PFKFB4: variants seen among roughly 807,000 people sequenced by gnomAD.
PFKFB4 encodes the protein 6-phosphofructo-2-kinase/fructose-2,6-biphosphatase 4, also known as 6-phosphofructo-2-kinase/fructose-2,6-bisphosphatase 4.
Under a neutral mutation model 62.8 loss-of-function variants are expected in PFKFB4, and 42 were observed. The observed-to-expected ratio is 0.67, with a 90% CI of 0.52 to 0.86. PFKFB4 has a LOEUF of 0.86. Among genes scored for constraint, PFKFB4 ranks in the 40% least tolerant of loss-of-function variants. The probability of loss-of-function intolerance (pLI) is 0.00; values close to 1 mark genes in which losing one functional copy is unlikely to be tolerated. For missense variants in PFKFB4, 475 were observed against 627.2 expected, an observed-to-expected ratio of 0.76 and a Z score of 2.59; for synonymous variants, 204 against 240.7, an observed-to-expected ratio of 0.85 and a Z score of 1.41.
chr3:48,522,151 G>A (rs1463883170), intron 12 of PFKFB4, 101 bp from the exon 13 acceptor site: 17 of 1,038,026 alleles, frequency 1.6e-5, no homozygotes, highest in Non-Finnish European at 2.4e-5. Flanking sequence ...GTGTGGAATG[G>A]AGCAGCCATC....
At chr3:48,553,337 G>A (rs1056950188) in intron 1 of PFKFB4, among the ~76,000 whole-genome samples, 1 of 152,186 alleles carries the variant, frequency 6.6e-6, no homozygotes, top group Non-Finnish European at 1.5e-5. Context: ...AGCCGGGTGT[G>A]GTGGTGCACA....
intron 13 of PFKFB4, among the ~76,000 whole-genome samples, chr3:48,520,737 C>T (rs2042071901): frequency 6.6e-6 from 1 of 152,216 alleles, no homozygotes; most frequent in South Asian, 2.1e-4. Context: ...GGGTTAGTAG[C>T]GGTTTGCCTC....
In PFKFB4 at chr3:48,519,051, G is replaced by A. The variant is rs2042004616; in HGVS notation, c.*696C>T. 1 of 152,216 alleles carries A rather than the reference G, an allele frequency of 6.6e-6. No homozygotes were observed. Among genetic ancestry groups the A allele is most frequent in the African/African-American group, 2.4e-5 (1 of 41,448 alleles). The allele number at this position is 152,216 out of a possible 1,614,324, so 9.4% of individuals were successfully genotyped here. The stretch of plus-strand genomic sequence containing the variant: ...GCCGGGTACATGCACAACTGGGGAG[G>A]GGCGACCACAACTGCCCCCCTGCCC... On this transcript the variant is annotated 3_prime_UTR_variant, in exon 14 of 14. Coordinates refer to ENST00000232375, the MANE Select transcript of PFKFB4 (RefSeq NM_004567.4).
Position 48,525,603 on chromosome 3 carries a change from C to T in PFKFB4, c.1054G>A (p.Asp352Asn), listed in dbSNP as rs761063011. The T allele has an allele frequency of 2.5e-6, 4 of 1,607,824 alleles. No homozygotes were observed. ...DNYPLEFALR[D>N]QDKYRYRYPK... The stretch of plus-strand genomic sequence containing the variant: ...TACCGGTACCGGTACTTGTCCTGGT[C>T]CCGCAGGGCGAACTCCAGTGGATAA... The change falls in exon 10 of 14, where the codon GAC becomes AAC. Residue 352 changes from aspartate to asparagine, a missense_variant. Asp to Asn is a conservative substitution (Grantham distance 23). Transcript: ENST00000232375.
chr3:48,541,649 A>T (rs2042802574), intron 4 of PFKFB4, among the ~76,000 whole-genome samples: 1 of 152,030 alleles, frequency 6.6e-6, no homozygotes, highest in Admixed American at 6.6e-5. Context: ...AAAAACAGAA[A>T]CTAAATCAAA....
In PFKFB4 at chr3:48,556,143, C is replaced by G; in HGVS notation, c.97+538G>C. On this transcript the variant is annotated intron_variant, in intron 1 of 13. Coordinates refer to ENST00000232375, the MANE Select transcript of PFKFB4 (RefSeq NM_004567.4). This position sits in a 1 kb window ranked among gnomAD's most constrained non-coding sequence, Gnocchi z 5.7. ...CATACTTTTCTGTCTCTATCCTGAGCACATCTCTGCTGAAGTTCCTGCCCA... is the reference window on the plus strand; with the variant it reads ...CATACTTTTCTGTCTCTATCCTGAGGACATCTCTGCTGAAGTTCCTGCCCA... The G allele has an allele frequency of 2.2e-6, 1 of 457,146 alleles. No individual in the cohort carries two copies. The highest frequency in any genetic ancestry group is 4.4e-6 in the Non-Finnish European group (1 of 227,252). The allele number at this position is 457,146 out of a possible 1,614,324, so 28.3% of individuals were successfully genotyped here.
At chr3:48,558,653 C>A (rs964687688), upstream of PFKFB4, among the ~76,000 whole-genome samples, 4 of 152,260 alleles carry the variant, frequency 2.6e-5, no homozygotes, top group Non-Finnish European at 5.9e-5. Context: ...GACCCTCCCC[C>A]AAACCAGCTC....
upstream of PFKFB4, chr3:48,562,505 G>A: frequency 2.0e-6 from 1 of 499,894 alleles, no homozygotes; most frequent in South Asian, 3.0e-5. This position sits in a 1 kb window ranked among gnomAD's most constrained non-coding sequence, Gnocchi z 4.3. Context: ...TTAGGTCTGT[G>A]GGGCACACAG....
At chr3:48,553,484 AG>A (rs2043218162) in intron 1 of PFKFB4, among the ~76,000 whole-genome samples, 1 of 152,106 alleles carries the variant, frequency 6.6e-6, no homozygotes, top group African/African-American at 2.4e-5. Flanking sequence ...AAAAAAAAAA[AG>A]AACACACTGT....
At chr3:48,563,017 G>A (rs2043461428), upstream of PFKFB4, 2 of 1,611,266 alleles carry the variant, frequency 1.2e-6, no homozygotes, top group South Asian at 1.1e-5. This position sits in a 1 kb window ranked among gnomAD's most constrained non-coding sequence, Gnocchi z 4.5. Flanking sequence ...GAGTGGTCTG[G>A]GGAGAATTCT....
At chr3:48,522,100 G>T in intron 12 of PFKFB4, 50 bp from the exon 13 acceptor site, 2 of 1,535,668 alleles carry the variant, frequency 1.3e-6, no homozygotes, top group Non-Finnish European at 1.8e-6. Context: ...AGGCAGCTGA[G>T]CTGCAGATGC....
In PFKFB4 at chr3:48,519,150, T is replaced by C. The variant is rs1352698664; in HGVS notation, c.*597A>G. 2.6e-5 allele frequency: 4 copies of C among 152,390 alleles called. No homozygotes were observed. Among genetic ancestry groups the C allele is most frequent in the African/African-American group, 9.7e-5 (4 of 41,442 alleles). 9.4% of individuals were successfully genotyped at this position (152,390 alleles called of 1,614,324 possible). On this transcript the variant is annotated 3_prime_UTR_variant, in exon 14 of 14. Transcript: ENST00000232375. ...TGAATGCCCACAACTAAGGGTGACA[T>C]GGATACAACGGCCTGGCCAGTGGCT...
intron 5 of PFKFB4, 193 bp from the exon 6 acceptor site, chr3:48,539,503 C>A: frequency 1.4e-6 from 1 of 693,568 alleles, no homozygotes; most frequent in Non-Finnish European, 2.5e-6. Flanking sequence ...CTGCCCTCTC[C>A]TAGACTCTCC....
At chr3:48,522,535 T>A (rs1290016784) in intron 12 of PFKFB4, among the ~76,000 whole-genome samples, 2 of 152,188 alleles carry the variant, frequency 1.3e-5, no homozygotes, top group Non-Finnish European at 2.9e-5. Flanking sequence ...GGTGAAGAGC[T>A]AAGACCTGAG....
chr3:48,534,330 C>T (rs1226250446), intron 9 of PFKFB4, among the ~76,000 whole-genome samples: 1 of 151,982 alleles, frequency 6.6e-6, no homozygotes, highest in African/African-American at 2.4e-5. Flanking sequence ...GAAATGATGG[C>T]CAACAATTCT....
intron 7 of PFKFB4, among the ~76,000 whole-genome samples, chr3:48,537,013 C>A (rs1329493156): frequency 1.3e-5 from 2 of 152,188 alleles, no homozygotes; most frequent in African/African-American, 4.8e-5. Flanking sequence ...CCATCCTGGG[C>A]AGCTGGTGGA....
chr3:48,549,382 C>A (rs912126772), intron 3 of PFKFB4, among the ~76,000 whole-genome samples: 1 of 152,142 alleles, frequency 6.6e-6, no homozygotes, highest in Non-Finnish European at 1.5e-5. Flanking sequence ...GGAAGCCCCC[C>A]ACCCCCAGCT....
At chr3:48,528,059 G>A (rs890450183) in intron 9 of PFKFB4, among the ~76,000 whole-genome samples, 6 of 152,062 alleles carry the variant, frequency 3.9e-5, no homozygotes, top group African/African-American at 1.2e-4. Flanking sequence ...AACATTAAAG[G>A]TGCCTCTGTG....
upstream of PFKFB4, chr3:48,556,950 G>T (rs954865409): frequency 5.8e-5 from 81 of 1,396,628 alleles, no homozygotes; most frequent in Non-Finnish European, 7.0e-5. This position sits in a 1 kb window ranked among gnomAD's most constrained non-coding sequence, Gnocchi z 5.7. Flanking sequence ...AGCTGAAAGG[G>T]GCCCGGCCTC....
Sources: allele counts gnomAD v4.1 joint callset (sites outside exome capture counted in the v4.1 genomes callset), GRCh38; gene constraint gnomAD v4.1.1; non-coding constraint Gnocchi (gnomAD v3.1); transcripts MANE v1.5; gene names NCBI Gene and HGNC (gene_info 2026-07-23, HGNC 2026-07-21).